Variants in DNAJC3 observed in about 807,000 individuals in gnomAD.
DNAJC3 encodes the protein DnaJ heat shock protein family (Hsp40) member C3.
A neutral mutation model predicts 68.6 loss-of-function variants in DNAJC3; 38 were observed. The observed-to-expected ratio is 0.55, with a 90% CI of 0.43 to 0.73. The LOEUF (loss-of-function observed/expected upper bound fraction) is 0.73, where lower values mean the gene tolerates loss of function less well. DNAJC3 is among the 30% of genes least tolerant of loss of function. The pLI is 0.00. For missense variants in DNAJC3, 526 were observed against 591.9 expected, an observed-to-expected ratio of 0.89 and a Z score of 1.16; for synonymous variants, 203 against 204.0, an observed-to-expected ratio of 1.00 and a Z score of 0.04.
chr13:95,713,853 G>C (rs1881053696), intron 2 of DNAJC3, among the ~76,000 whole-genome samples: 1 of 152,134 alleles, frequency 6.6e-6, no homozygotes, highest in African/African-American at 2.4e-5. Context: ...AGTTTTCAGG[G>C]ATGAGTCAGA....
chr13:95,755,398 C>T (rs1882622588), intron 4 of DNAJC3, among the ~76,000 whole-genome samples: 1 of 151,922 alleles, frequency 6.6e-6, no homozygotes, highest in Non-Finnish European at 1.5e-5. Context: ...TTGCAGTGAG[C>T]TAAGAACATG....
rs757220867 is a variant in DNAJC3, at chr13:95,757,805, C to T, written c.546+9C>T. 3.9e-6 allele frequency: 6 copies of T among 1,532,566 alleles called. No homozygotes were observed. The highest frequency in any genetic ancestry group is 1.7e-5 in the Admixed American group (1 of 57,726). 94.9% of individuals were successfully genotyped at this position (1,532,566 alleles called of 1,614,324 possible). On this transcript the variant is annotated intron_variant, in intron 5 of 11. Coordinates refer to ENST00000602402, the MANE Select transcript of DNAJC3 (RefSeq NM_006260.5). ...TTGATAAGATTTTAGAGGTAAGTTT[C>T]TTAGATACTGCAGTTGACCAGCCTG...
chr13:95,760,992 A>C (rs1206735142), intron 7 of DNAJC3, among the ~76,000 whole-genome samples, 194 bp downstream of exon 7: 1 of 152,260 alleles, frequency 6.6e-6, no homozygotes, highest in African/African-American at 2.4e-5. Context: ...GTAACTGTGT[A>C]GTATCCTTAC....
chr13:95,677,783 AAGG>A (rs1879801812), intron 1 of DNAJC3, among the ~76,000 whole-genome samples: 1 of 152,160 alleles, frequency 6.6e-6, no homozygotes, highest in Non-Finnish European at 1.5e-5. Context: ...TTGGGTGGGG[AAGG>A]AGTGTCATGT....
chr13:95,688,628 C>T, intron 1 of DNAJC3, among the ~76,000 whole-genome samples: 1 of 151,780 alleles, frequency 6.6e-6, no homozygotes, highest in East Asian at 1.9e-4. Flanking sequence ...GATTCTTGTG[C>T]CTCAGCCTCC....
chr13:95,683,770 CAA>C (rs373468364), intron 1 of DNAJC3, among the ~76,000 whole-genome samples: 2 of 136,144 alleles, frequency 1.5e-5, no homozygotes, highest in African/African-American at 5.4e-5. Flanking sequence ...ACTAAAAATA[CAA>C]AAAAAAAAAA....
At chr13:95,733,703 C>CT (rs146677839) in intron 4 of DNAJC3, among the ~76,000 whole-genome samples, 17,059 of 102,876 alleles carry the variant, frequency 0.17, 1,499 homozygotes, top group Non-Finnish European at 0.22. Context: ...CCTGGCCTGT[C>CT]TTTTTTTTTT....
chr13:95,760,885 T>A (rs1566504305), intron 7 of DNAJC3, 87 bp downstream of exon 7: 4 of 1,502,130 alleles, frequency 2.7e-6, no homozygotes, highest in Non-Finnish European at 3.6e-6. Flanking sequence ...CTCTTTTACT[T>A]CTCAGCCATT....
intron 11 of DNAJC3, among the ~76,000 whole-genome samples, chr13:95,789,583 C>T (rs916757968): frequency 1.3e-5 from 2 of 152,118 alleles, no homozygotes; most frequent in African/African-American, 4.8e-5. Context: ...GATTCCATGT[C>T]TTTTCTATTG....
At chr13:95,762,921 T>A (rs1279793840) in intron 7 of DNAJC3, among the ~76,000 whole-genome samples, 2 of 152,222 alleles carry the variant, frequency 1.3e-5, no homozygotes, top group Non-Finnish European at 2.9e-5. Context: ...GAAGCTGGCT[T>A]TTATTTTAAA....
chr13:95,697,961 A>G (rs1352902648), intron 1 of DNAJC3, among the ~76,000 whole-genome samples: 2 of 151,924 alleles, frequency 1.3e-5, no homozygotes, highest in African/African-American at 4.8e-5. Context: ...GTTGTAGTCC[A>G]TTGCCAGAAA....
At chr13:95,778,442 T>C (rs1468513217) in intron 9 of DNAJC3, among the ~76,000 whole-genome samples, 1 of 152,176 alleles carries the variant, frequency 6.6e-6, no homozygotes, top group Non-Finnish European at 1.5e-5. Context: ...AATTTAAACT[T>C]CCCTTACCAA....
chr13:95,684,621 A>G (rs1346786228), intron 1 of DNAJC3, among the ~76,000 whole-genome samples: 1 of 152,212 alleles, frequency 6.6e-6, no homozygotes, highest in Non-Finnish European at 1.5e-5. Context: ...TAGCCAAGAC[A>G]ATGGGAAAAA....
In DNAJC3 at chr13:95,677,350, C is replaced by G. The variant is rs1284916567; in HGVS notation, c.82+13C>G. 6.3e-7 allele frequency: 1 copy of G among 1,578,136 alleles called. No individual in the cohort carries two copies. Among genetic ancestry groups the G allele is most frequent in the Non-Finnish European group, 8.6e-7 (1 of 1,163,300 alleles). On this transcript the variant is annotated intron_variant, in intron 1 of 11. Transcript: ENST00000602402. ...CTGCAGTACGAAGGTGAGTCCTGCC[C>G]TGCCCCGGCCAGGAAGTGGGCTCCC... is the stretch of plus-strand genomic sequence containing the variant.
At chr13:95,787,560 G>A (rs534104611) in intron 11 of DNAJC3, among the ~76,000 whole-genome samples, 2 of 152,310 alleles carry the variant, frequency 1.3e-5, no homozygotes, top group Admixed American at 6.5e-5. Flanking sequence ...TGGATTACAT[G>A]GAGTGGGAGA....
intron 2 of DNAJC3, among the ~76,000 whole-genome samples, chr13:95,711,830 C>CTT (rs141373856): frequency 0.03 from 4,557 of 152,168 alleles, 236 homozygotes; most frequent in African/African-American, 0.11. Context: ...AAGATGTTAA[C>CTT]GACCCAATTG....
intron 3 of DNAJC3, 96 bp downstream of exon 3, chr13:95,723,462 C>CA: frequency 1.5e-6 from 2 of 1,365,992 alleles, no homozygotes; most frequent in Non-Finnish European, 9.9e-7. Context: ...CTAGACATAG[C>CA]TGGAAGAGAT....
At position 95,697,525 on chromosome 13, in the gene DNAJC3, C is replaced by T. The variant is rs889972506; in HGVS notation, c.83-11702C>T. On this transcript the variant is annotated intron_variant, in intron 1 of 11. Transcript: ENST00000602402. ...GTCTTGTATAGTATCTTCCAGGTGC[C>T]CTGTGAATTTCTAATATCTGGATGT... 2.0e-5 allele frequency among the ~76,000 whole-genome samples: 3 copies of T among 152,058 alleles called. No homozygotes were observed. The East Asian group carries it at 5.8e-4, about 29-fold the overall frequency.
At chr13:95,781,558 C>T (rs1168305483) in intron 9 of DNAJC3, among the ~76,000 whole-genome samples, 7 of 152,200 alleles carry the variant, frequency 4.6e-5, no homozygotes, top group Admixed American at 3.3e-4. Context: ...ACTTCGGTGG[C>T]AAGGAGGGTA....
Sources: allele counts gnomAD v4.1 joint callset (sites outside exome capture counted in the v4.1 genomes callset), GRCh38; gene constraint gnomAD v4.1.1; transcripts MANE v1.5; gene names NCBI Gene and HGNC (gene_info 2026-07-23, HGNC 2026-07-21).